Variants in RARB observed in about 807,000 individuals in gnomAD.
RARB encodes retinoic acid receptor beta, also known as HBV-activated protein.
A neutral mutation model predicts 51.9 loss-of-function variants in RARB; 17 were observed. The ratio of observed to expected loss-of-function variants is 0.33; its 90% CI spans 0.22 to 0.49. The LOEUF (loss-of-function observed/expected upper bound fraction) is 0.49, where lower values mean the gene tolerates loss of function less well. Among genes scored for constraint, RARB ranks in the 20% least tolerant of loss-of-function variants. The probability of loss-of-function intolerance (pLI) is 0.99; values close to 1 mark genes in which losing one functional copy is unlikely to be tolerated. For synonymous variants in RARB, 215 were observed against 195.4 expected (o/e 1.10, Z -0.84); for missense variants, 369 against 550.8 (o/e 0.67, Z 3.30).
intron 3 of RARB, among the ~76,000 whole-genome samples, chr3:25,548,170 T>C (rs1699697374): frequency 6.6e-6 from 1 of 151,406 alleles, no homozygotes; most frequent in Non-Finnish European, 1.5e-5. Context: ...GAGTGAGTGC[T>C]TCTCCCTAGA....
intron 4 of RARB, among the ~76,000 whole-genome samples, chr3:25,139,078 G>A (rs1446061973): frequency 2.0e-5 from 3 of 152,098 alleles, no homozygotes; most frequent in Admixed American, 6.6e-5. Flanking sequence ...GATAAATAGT[G>A]TGTGTGTTCT....
chr3:25,480,068 G>T (rs1696151065), intron 2 of RARB, among the ~76,000 whole-genome samples: 1 of 152,178 alleles, frequency 6.6e-6, no homozygotes, highest in Non-Finnish European at 1.5e-5. Flanking sequence ...TGTGGATTCT[G>T]CTTTTCCTAT....
intron 2 of RARB, among the ~76,000 whole-genome samples, chr3:24,882,875 A>G (rs915883770): frequency 6.6e-6 from 1 of 152,176 alleles, no homozygotes; most frequent in Admixed American, 6.5e-5. Flanking sequence ...TATATGACAG[A>G]ACTCTGACCA....
intron 3 of RARB, among the ~76,000 whole-genome samples, chr3:25,122,341 T>A (rs1252901105): frequency 6.6e-6 from 1 of 151,992 alleles, no homozygotes; most frequent in Non-Finnish European, 1.5e-5. Context: ...TTGTTTCAAG[T>A]GCTTACTAGA....
chr3:25,410,859 C>A (rs1486970452), intron 5 of RARB, among the ~76,000 whole-genome samples: 1 of 152,252 alleles, frequency 6.6e-6, no homozygotes, highest in African/African-American at 2.4e-5. Context: ...GCTGCCCCAA[C>A]CCCTGCTCTG....
At chr3:24,963,911 C>CT (rs1170563215) in intron 2 of RARB, among the ~76,000 whole-genome samples, 1 of 152,160 alleles carries the variant, frequency 6.6e-6, no homozygotes, top group Non-Finnish European at 1.5e-5. Context: ...TTTACCTTCC[C>CT]TTTTAAAAGC....
intron 2 of RARB, among the ~76,000 whole-genome samples, chr3:24,890,496 C>G (rs578205058): frequency 3.3e-5 from 5 of 152,126 alleles, no homozygotes; most frequent in South Asian, 4.2e-4. Flanking sequence ...TACCTGTAAT[C>G]CTAACAAGTT....
intron 2 of RARB, among the ~76,000 whole-genome samples, chr3:24,962,792 T>G (rs1275611590): frequency 6.6e-6 from 1 of 152,208 alleles, no homozygotes; most frequent in Non-Finnish European, 1.5e-5. Context: ...GTTGCTACAC[T>G]AAATGATATA....
intron 3 of RARB, among the ~76,000 whole-genome samples, chr3:25,566,565 C>T (rs1231606268): frequency 2.6e-5 from 4 of 152,198 alleles, no homozygotes; most frequent in Non-Finnish European, 4.4e-5. Context: ...CAACTTGGTG[C>T]CCAGCTGCAG....
intron 2 of RARB, among the ~76,000 whole-genome samples, chr3:24,969,255 C>G (rs1696342480): frequency 6.6e-6 from 1 of 152,014 alleles, no homozygotes; most frequent in African/African-American, 2.4e-5. Flanking sequence ...GCAAAAGTAC[C>G]TTCCCTTTAC....
intron 5 of RARB, among the ~76,000 whole-genome samples, chr3:25,369,255 A>G (rs1410646835): frequency 1.3e-5 from 2 of 152,212 alleles, no homozygotes; most frequent in African/African-American, 4.8e-5. Context: ...TGACACTGTA[A>G]GGCATTGGGC....
At chr3:25,095,426 T>C (rs1020460838) in intron 3 of RARB, among the ~76,000 whole-genome samples, 6 of 152,168 alleles carry the variant, frequency 3.9e-5, no homozygotes, top group Admixed American at 3.9e-4. Flanking sequence ...AAACAGATAC[T>C]CTGGAGGGTG....
intron 1 of RARB, among the ~76,000 whole-genome samples, chr3:24,846,605 G>A (rs1487518004): frequency 6.6e-6 from 1 of 152,184 alleles, no homozygotes; most frequent in African/African-American, 2.4e-5. Context: ...TGGAGGGCAG[G>A]GATTCCGAAG....
At chr3:24,995,833 AT>A (rs1654029597) in intron 2 of RARB, among the ~76,000 whole-genome samples, 1 of 151,904 alleles carries the variant, frequency 6.6e-6, no homozygotes, top group South Asian at 2.1e-4. Flanking sequence ...ATTGCACTAT[AT>A]TTTTGATGTG....
Position 24,891,093 on chromosome 3 carries a change from G to C in RARB, c.-380+32341G>C, listed in dbSNP as rs142013270. Among the ~76,000 whole-genome samples the C allele has an allele frequency of 4.9e-3, 750 of 152,246 alleles. 3 individuals are homozygous for C. The highest frequency in any genetic ancestry group is 0.017 in the African/African-American group (721 of 41,524). On this transcript the variant is annotated intron_variant, in intron 2 of 11. Transcript: ENST00000383772. ...TGTCTGGAAAGTTGTGAACAACGCA[G>C]CCCATAGCATTTGATTTTAAACAAA...
intron 3 of RARB, among the ~76,000 whole-genome samples, chr3:25,082,035 C>T (rs1429842896): frequency 2.6e-5 from 4 of 152,126 alleles, no homozygotes; most frequent in Non-Finnish European, 4.4e-5. Flanking sequence ...TCTGCTACTA[C>T]TCTGTCAAAG....
chr3:25,141,436 A>AG (rs1425578700), intron 4 of RARB, among the ~76,000 whole-genome samples: 7 of 151,782 alleles, frequency 4.6e-5, no homozygotes, highest in Admixed American at 2.6e-4. Context: ...TTACCACTTT[A>AG]GGTGGCCACT....
chr3:25,050,537 A>G (rs1185220169), intron 2 of RARB, among the ~76,000 whole-genome samples: 1 of 152,218 alleles, frequency 6.6e-6, no homozygotes, highest in Non-Finnish European at 1.5e-5. Flanking sequence ...ATAGTTCTAT[A>G]AGGCTTTTAA....
intron 2 of RARB, among the ~76,000 whole-genome samples, chr3:25,043,338 A>C (rs555433681): frequency 1.3e-5 from 2 of 152,350 alleles, no homozygotes; most frequent in East Asian, 3.9e-4. Context: ...GGGCCACATA[A>C]AATTTGCATT....
Sources: gnomAD v4.1 joint callset for allele counts (sites outside exome capture counted in the v4.1 genomes callset) on GRCh38, gnomAD v4.1.1 for gene constraint, MANE v1.5 for transcripts, NCBI Gene and HGNC (gene_info 2026-07-23, HGNC 2026-07-21) for gene names.